Variants in GRIK4 observed in about 807,000 individuals in gnomAD.
GRIK4 encodes the protein glutamate receptor ionotropic, kainate 4.
A neutral mutation model predicts 104.9 loss-of-function variants in GRIK4; 40 were observed. That is an observed-to-expected ratio of 0.38 (90% CI 0.30 to 0.50). The LOEUF is 0.50. Ranked by LOEUF, GRIK4 falls within the 20% of genes least tolerant of loss-of-function variation. The pLI is 0.93. For synonymous variants in GRIK4, 485 were observed against 524.9 expected, an observed-to-expected ratio of 0.92 and a Z score of 1.04; for missense variants, 1,047 against 1,308.1, an observed-to-expected ratio of 0.80 and a Z score of 3.08.
Position 120,570,088 on chromosome 11 carries a change from A to G in GRIK4, c.-159+58201A>G, listed in dbSNP as rs567983289. The stretch of plus-strand genomic sequence containing the variant: ...GGAGCCCCTCCTGTTGGTGGCAACA[A>G]TAAAGAGTGAGAGACCGCCAGGGCG... On this transcript the variant is annotated intron_variant, in intron 1 of 20. Transcript: ENST00000527524. Among the ~76,000 whole-genome samples the G allele has an allele frequency of 3.3e-5, 5 of 152,356 alleles. No individual in the cohort carries two copies. In the South Asian group the frequency reaches 1.0e-3, roughly 32 times the overall value.
intron 1 of GRIK4, among the ~76,000 whole-genome samples, chr11:120,556,235 C>G (rs1390281962): frequency 6.6e-6 from 1 of 152,108 alleles, no homozygotes; most frequent in African/African-American, 2.4e-5. Context: ...TGCATTCACC[C>G]ATGAGTCCTT....
rs552583273 is a variant in GRIK4 at position 120,784,542 on chromosome 11, G to T, written c.83-18151G>T. On this transcript the variant is annotated intron_variant, in intron 3 of 20. Coordinates refer to ENST00000527524, the MANE Select transcript of GRIK4 (RefSeq NM_014619.5). ...GGTCCTGTGTTGTAGACTCTAGCAG[G>T]CATGATGCTCATTTATTCACAGCTT... Among the ~76,000 whole-genome samples the T allele has an allele frequency of 3.9e-5, 6 of 152,262 alleles. No homozygotes were observed. In the South Asian group the frequency reaches 1.2e-3, roughly 32 times the overall value.
chr11:120,735,513 C>T (rs981766179), intron 3 of GRIK4, among the ~76,000 whole-genome samples: 8 of 152,154 alleles, frequency 5.3e-5, no homozygotes, highest in African/African-American at 1.7e-4. Context: ...CACTGGGTCT[C>T]ACCCAAGGCC....
chr11:120,772,277 AATTT>A (rs1951961717), intron 3 of GRIK4, among the ~76,000 whole-genome samples: 1 of 152,232 alleles, frequency 6.6e-6, no homozygotes, highest in African/African-American at 2.4e-5. Flanking sequence ...AAAGAATATA[AATTT>A]ATTATATTTC....
chr11:120,668,158 G>T lies in GRIK4; in HGVS notation c.82+7758G>T, dbSNP rs560172350. ...AGATAGATAGATAGATAAGTAGGTAGATAAGTACATAGGTAGGTAGATAGA... is the reference window on the plus strand; with the variant it reads ...AGATAGATAGATAGATAAGTAGGTATATAAGTACATAGGTAGGTAGATAGA... On this transcript the variant is annotated intron_variant, in intron 3 of 20. Coordinates refer to ENST00000527524, the MANE Select transcript of GRIK4 (RefSeq NM_014619.5). Among the ~76,000 whole-genome samples, 9 of 151,710 alleles carry T rather than the reference G, an allele frequency of 5.9e-5. No homozygotes were observed. The South Asian group carries it at 1.0e-3, about 18-fold the overall frequency.
chr11:120,718,820 T>TGA (rs1950883047), intron 3 of GRIK4, among the ~76,000 whole-genome samples: 1 of 152,200 alleles, frequency 6.6e-6, no homozygotes, highest in Non-Finnish European at 1.5e-5. Flanking sequence ...ACCTCAGGGA[T>TGA]GCTTGGACCT....
At chr11:120,684,858 C>T (rs1028165556) in intron 3 of GRIK4, among the ~76,000 whole-genome samples, 1 of 152,168 alleles carries the variant, frequency 6.6e-6, no homozygotes, top group Non-Finnish European at 1.5e-5. Flanking sequence ...TACAGGCGCC[C>T]GCCACCGCGC....
chr11:120,887,161 G>C (rs1428732388), intron 11 of GRIK4, among the ~76,000 whole-genome samples: 1 of 152,106 alleles, frequency 6.6e-6, no homozygotes, highest in Non-Finnish European at 1.5e-5. Flanking sequence ...CACCCTTCCT[G>C]TTTCTACCTT....
chr11:120,624,984 T>C (rs1308494046), intron 1 of GRIK4, among the ~76,000 whole-genome samples: 1 of 152,084 alleles, frequency 6.6e-6, no homozygotes, highest in South Asian at 2.1e-4. Flanking sequence ...TAAATAAACA[T>C]GTAAAAATAA....
At chr11:120,626,384 G>A (rs1268216659) in intron 1 of GRIK4, among the ~76,000 whole-genome samples, 3 of 152,164 alleles carry the variant, frequency 2.0e-5, no homozygotes, top group Non-Finnish European at 4.4e-5. Context: ...CATTTTACCT[G>A]CTTTAACTGG....
At chr11:120,820,004 C>T in intron 6 of GRIK4, 84 bp downstream of exon 6, 3 of 1,365,846 alleles carry the variant, frequency 2.2e-6, no homozygotes, top group Non-Finnish European at 3.1e-6. Context: ...GGCTGGAGAC[C>T]CTCCAGGAAG....
At chr11:120,521,937 T>A (rs1306835757) in intron 1 of GRIK4, among the ~76,000 whole-genome samples, 1 of 152,238 alleles carries the variant, frequency 6.6e-6, no homozygotes, top group Admixed American at 6.5e-5. Context: ...GCTGACATCA[T>A]TGAGCACTTA....
At chr11:120,641,388 A>G (rs560220631) in intron 1 of GRIK4, among the ~76,000 whole-genome samples, 10 of 152,076 alleles carry the variant, frequency 6.6e-5, no homozygotes, top group Admixed American at 3.3e-4. Flanking sequence ...AAAAAAAAAC[A>G]ACTAAAGGAA....
chr11:120,741,174 C>A (rs1688980438), intron 3 of GRIK4, among the ~76,000 whole-genome samples: 1 of 152,110 alleles, frequency 6.6e-6, no homozygotes, highest in South Asian at 2.1e-4. Flanking sequence ...CTCACAATAT[C>A]CTCCACTTTA....
chr11:120,879,516 A>C (rs73584426), intron 11 of GRIK4, among the ~76,000 whole-genome samples: 4 of 152,212 alleles, frequency 2.6e-5, no homozygotes, highest in Non-Finnish European at 4.4e-5. Flanking sequence ...AAGGATTATT[A>C]CCATTTTAAA....
At chr11:120,767,725 T>G (rs1427960965) in intron 3 of GRIK4, among the ~76,000 whole-genome samples, 1 of 152,210 alleles carries the variant, frequency 6.6e-6, no homozygotes, top group African/African-American at 2.4e-5. Flanking sequence ...TATTTTTGTG[T>G]GTGGTGTAAG....
At chr11:120,521,098 G>GT in intron 1 of GRIK4, among the ~76,000 whole-genome samples, 1 of 151,910 alleles carries the variant, frequency 6.6e-6, no homozygotes, top group African/African-American at 2.4e-5. Context: ...TTTGTTTTTC[G>GT]TTTTTTTGAG....
At chr11:120,774,595 C>T (rs552681034) in intron 3 of GRIK4, among the ~76,000 whole-genome samples, 4 of 152,328 alleles carry the variant, frequency 2.6e-5, no homozygotes, top group Admixed American at 2.6e-4. Context: ...CCATCTGCTT[C>T]ACCCAAAGTC....
chr11:120,831,432 A>G (rs1245804545), intron 6 of GRIK4, among the ~76,000 whole-genome samples: 2 of 152,190 alleles, frequency 1.3e-5, no homozygotes, highest in African/African-American at 4.8e-5. Flanking sequence ...AACTGAGGCC[A>G]AGACAACTGG....
Sources: gnomAD v4.1 joint callset for allele counts (sites outside exome capture counted in the v4.1 genomes callset) on GRCh38, gnomAD v4.1.1 for gene constraint, MANE v1.5 for transcripts, NCBI Gene and HGNC (gene_info 2026-07-23, HGNC 2026-07-21) for gene names.